The following MANBA variants were observed in gnomAD, a reference collection of about 807,000 sequenced individuals.
The protein encoded by MANBA is beta-mannosidase.
A neutral mutation model predicts 111.1 loss-of-function variants in MANBA; 83 were observed. That is an observed-to-expected ratio of 0.75 (90% confidence interval 0.63 to 0.90). The LOEUF (loss-of-function observed/expected upper bound fraction) is 0.90, where lower values mean the gene tolerates loss of function less well. Ranked by LOEUF, MANBA falls within the 40% of genes least tolerant of loss-of-function variation. The probability of loss-of-function intolerance (pLI) is 0.00; values close to 1 mark genes in which losing one functional copy is unlikely to be tolerated. For synonymous variants in MANBA, 370 were observed against 378.7 expected, an observed-to-expected ratio of 0.98 and a Z score of 0.27; for missense variants, 1,036 against 1,069.0, an observed-to-expected ratio of 0.97 and a Z score of 0.43.
At chr4:102,737,837 G>A (rs1723275943) in intron 1 of MANBA, among the ~76,000 whole-genome samples, 1 of 152,158 alleles carries the variant, frequency 6.6e-6, no homozygotes, top group South Asian at 2.1e-4. Context: ...TGCAGCAGAG[G>A]CAATCATAAT....
chr4:102,725,619 T>G (rs1722764608), intron 2 of MANBA, among the ~76,000 whole-genome samples: 1 of 152,216 alleles, frequency 6.6e-6, no homozygotes, highest in South Asian at 2.1e-4. Context: ...CAATCAATAT[T>G]CTGTGATGAT....
intron 1 of MANBA, among the ~76,000 whole-genome samples, chr4:102,744,344 C>T (rs1723514375): frequency 6.6e-6 from 1 of 152,184 alleles, no homozygotes; most frequent in Non-Finnish European, 1.5e-5. Context: ...GTGTTTGGTA[C>T]TTCTTGCTCA....
At chr4:102,748,788 C>CTGTAA (rs1221478934) in intron 1 of MANBA, among the ~76,000 whole-genome samples, 1 of 152,108 alleles carries the variant, frequency 6.6e-6, no homozygotes, top group Non-Finnish European at 1.5e-5. Context: ...TGGCAGGCGC[C>CTGTAA]TGTAATCCCG....
At chr4:102,666,796 C>T (rs1042052293) in intron 10 of MANBA, 3 of 152,194 alleles carry the variant, frequency 2.0e-5, no homozygotes, top group Non-Finnish European at 4.4e-5. Context: ...AATTATGACA[C>T]GGTCAATTAT....
At chr4:102,713,030 G>T (rs1163492428) in intron 5 of MANBA, among the ~76,000 whole-genome samples, 1 of 152,190 alleles carries the variant, frequency 6.6e-6, no homozygotes, top group East Asian at 1.9e-4. Flanking sequence ...ATTTAAATTA[G>T]ATCTTTTAAT....
At chr4:102,659,981 T>A (rs764696484) in intron 11 of MANBA, among the ~76,000 whole-genome samples, 4 of 152,118 alleles carry the variant, frequency 2.6e-5, no homozygotes, top group Non-Finnish European at 5.9e-5. Flanking sequence ...CCCTGTCCCA[T>A]GGCTTCCCGT....
At position 102,734,544 on chromosome 4, in the gene MANBA, A is replaced by G. The variant is rs948962200; in HGVS notation, c.178-7861T>C. The G allele has an allele frequency of 1.9e-6, 3 of 1,608,116 alleles. No homozygotes were observed. The African/African-American group carries it at 4.0e-5, about 22-fold the overall frequency. On this transcript the variant is annotated intron_variant, in intron 1 of 16. Transcript: ENST00000647097. ...ATCTGAGCTCAGAAGTGCTGAGGTG[A>G]CGAGGAAGCCCAAGGCTACTGTTCC...
intron 1 of MANBA, among the ~76,000 whole-genome samples, chr4:102,758,582 C>T (rs1407337075): frequency 1.3e-5 from 2 of 149,244 alleles, no homozygotes; most frequent in Non-Finnish European, 3.0e-5. Flanking sequence ...GAGGGTGTCA[C>T]TCTGTTGCCC....
At chr4:102,632,326 G>T in intron 16 of MANBA, 45 bp from the exon 17 acceptor site, 1 of 1,236,424 alleles carries the variant, frequency 8.1e-7, no homozygotes, top group South Asian at 1.2e-5. Flanking sequence ...GATGAGGGAA[G>T]AGTTATATAG....
chr4:102,692,853 T>C (rs1732545381), intron 5 of MANBA, among the ~76,000 whole-genome samples: 1 of 151,914 alleles, frequency 6.6e-6, no homozygotes, highest in Non-Finnish European at 1.5e-5. Context: ...AATCATGGCT[T>C]TGCTGCAAAA....
intron 5 of MANBA, among the ~76,000 whole-genome samples, chr4:102,713,969 C>T (rs1722213444): frequency 1.3e-5 from 2 of 150,738 alleles, no homozygotes; most frequent in South Asian, 4.2e-4. Context: ...TTATTTTTAA[C>T]TCTTCACAAG....
Position 102,736,808 on chromosome 4 carries a change from C to T in MANBA, c.178-10125G>A, listed in dbSNP as rs112110537. 2.3e-3 allele frequency among the ~76,000 whole-genome samples: 355 copies of T among 152,200 alleles called. 2 individuals carry two copies. The highest frequency in any genetic ancestry group is 0.017 in the Middle Eastern group (5 of 294). On this transcript the variant is annotated intron_variant, in intron 1 of 16. Transcript: ENST00000647097. The stretch of plus-strand genomic sequence containing the variant: ...TCCAAGAACCACCACAGGAACATAC[C>T]GGGAAAACCAAAAGAATTCAAGACC...
At chr4:102,731,058 T>A (rs1723016905) in intron 1 of MANBA, among the ~76,000 whole-genome samples, 1 of 151,550 alleles carries the variant, frequency 6.6e-6, no homozygotes, top group Non-Finnish European at 1.5e-5. Context: ...CAAGGGGGAG[T>A]AGCACAGAGA....
chr4:102,752,523 G>T, intron 1 of MANBA: 1 of 714,726 alleles, frequency 1.4e-6, no homozygotes, highest in Non-Finnish European at 2.7e-6. Flanking sequence ...GGCTGCTCAT[G>T]AAGACAAAGT....
intron 1 of MANBA, chr4:102,730,521 A>C: frequency 1.9e-6 from 1 of 530,902 alleles, no homozygotes; most frequent in South Asian, 1.4e-5. Flanking sequence ...TTGATTCTAC[A>C]TCTTATAGAT....
Position 102,632,295 on chromosome 4 carries a change from A to C in MANBA, c.2416-14T>G. 27 of 1,561,928 alleles carry C rather than the reference A, an allele frequency of 1.7e-5. No homozygotes were observed. Among genetic ancestry groups the C allele is most frequent in the Non-Finnish European group, 2.4e-5 (27 of 1,132,758 alleles). On this transcript the variant is annotated splice_polypyrimidine_tract_variant and intron_variant, in intron 16 of 16. Coordinates refer to ENST00000647097, the MANE Select transcript of MANBA (RefSeq NM_005908.4). ...AGAGATGATGGCCTGAAAAAGAAAA[A>C]AAAAAATGAATGAAGTGAAGGATGA...
In MANBA at chr4:102,723,954, C is replaced by G. The variant is rs1458385295; in HGVS notation, c.286G>C (p.Val96Leu). The change falls in exon 3 of 17, where the codon GTA becomes CTA. Residue 96 changes from valine (V) to leucine (L), a missense_variant. Val to Leu is a conservative substitution (Grantham distance 32, BLOSUM62 1). Transcript: ENST00000647097. ...IPFEISKWQKVNLILEGVDTV... is the reference protein window; with the variant it reads ...IPFEISKWQKLNLILEGVDTV... ...TCCACTCCCTCAAGAATCAAATTTA[C>G]TTTTTGCCATTTGCTAAAAAAAAGA... 1 of 1,605,518 alleles carries G rather than the reference C, an allele frequency of 6.2e-7. No individual in the cohort carries two copies. Among genetic ancestry groups the G allele is most frequent in the Admixed American group, 1.7e-5 (1 of 59,830 alleles).
intron 1 of MANBA, among the ~76,000 whole-genome samples, chr4:102,742,871 G>T (rs1373066402): frequency 6.6e-6 from 1 of 152,194 alleles, no homozygotes; most frequent in Admixed American, 6.5e-5. Context: ...CAGGAATGGT[G>T]CCATATCGTG....
At chr4:102,720,120 T>C (rs571352567) in intron 4 of MANBA, among the ~76,000 whole-genome samples, 2 of 152,278 alleles carry the variant, frequency 1.3e-5, no homozygotes, top group South Asian at 4.1e-4. Context: ...CCAGGATAGT[T>C]TCAGTTTTGA....
Sources: allele counts gnomAD v4.1 joint callset (sites outside exome capture counted in the v4.1 genomes callset), GRCh38; gene constraint gnomAD v4.1.1; transcripts MANE v1.5; gene names NCBI Gene and HGNC (gene_info 2026-07-23, HGNC 2026-07-21).